AGBL2: variants seen among roughly 807,000 people sequenced by gnomAD.
AGBL2 encodes cytosolic carboxypeptidase 2.
Under a neutral mutation model 103.0 loss-of-function variants are expected in AGBL2, and 87 were observed. That is an observed-to-expected ratio of 0.84 (90% CI 0.71 to 1.01). The LOEUF (loss-of-function observed/expected upper bound fraction) is 1.01. Ranked by LOEUF, AGBL2 falls within the 50% of genes least tolerant of loss-of-function variation. The probability of loss-of-function intolerance (pLI) is 0.00; values close to 1 mark genes in which losing one functional copy is unlikely to be tolerated. For missense variants in AGBL2, 904 were observed against 1,023.5 expected (o/e 0.88, Z 1.59); for synonymous variants, 335 against 356.7 (o/e 0.94, Z 0.69).
chr11:47,686,824 T>C (rs1202223716), intron 10 of AGBL2, among the ~76,000 whole-genome samples: 1 of 151,832 alleles, frequency 6.6e-6, no homozygotes. Flanking sequence ...CTAGGTGTTG[T>C]GGTGCATACC....
chr11:47,693,460 C>G (rs533734656), intron 8 of AGBL2, among the ~76,000 whole-genome samples: 54 of 152,230 alleles, frequency 3.5e-4, no homozygotes, highest in Admixed American at 4.6e-4. Flanking sequence ...GTTATCCCAA[C>G]ACCATTTGTT....
At chr11:47,673,854 C>T (rs1444697334) in intron 14 of AGBL2, among the ~76,000 whole-genome samples, 1 of 146,660 alleles carries the variant, frequency 6.8e-6, no homozygotes, top group Non-Finnish European at 1.5e-5. Context: ...AATCCCAGCA[C>T]TTGAGGAGGC....
chr11:47,697,825 C>T (rs965618566), intron 8 of AGBL2, among the ~76,000 whole-genome samples: 1 of 151,384 alleles, frequency 6.6e-6, no homozygotes, highest in African/African-American at 2.4e-5. Context: ...GGATTACAGG[C>T]GTGAGTCATC....
chr11:47,661,764 T>C (rs2097328622), intron 18 of AGBL2, among the ~76,000 whole-genome samples: 1 of 152,082 alleles, frequency 6.6e-6, no homozygotes, highest in African/African-American at 2.4e-5. Context: ...GCCACCTTTT[T>C]TTTTTTTGGA....
intron 8 of AGBL2, among the ~76,000 whole-genome samples, chr11:47,693,244 C>T (rs1015522037): frequency 1.3e-5 from 2 of 152,066 alleles, no homozygotes; most frequent in African/African-American, 4.8e-5. Context: ...TCATGGCAGC[C>T]TCAAACATCT....
chr11:47,678,166 G>A (rs1249266635), intron 13 of AGBL2, among the ~76,000 whole-genome samples: 3 of 150,952 alleles, frequency 2.0e-5, no homozygotes, highest in African/African-American at 4.9e-5. Flanking sequence ...GTTTCACCAC[G>A]TTGGCCAGGA....
In AGBL2 at chr11:47,690,561, C is replaced by T; in HGVS notation, c.1146G>A (p.Gln382=). The T allele has an allele frequency of 6.2e-7, 1 of 1,614,160 alleles. No individual in the cohort carries two copies. Among genetic ancestry groups the T allele is most frequent in the Non-Finnish European group, 8.5e-7 (1 of 1,180,040 alleles). Residue 382 remains glutamine, a synonymous_variant, in exon 10 of 19, where the codon CAG becomes CAA. Transcript: ENST00000525123. Reference sequence around the variant, plus strand: ...AGCAAGTGTCCTGGTCATATGGAAACTGAATGGTCCACGTGAGACAGTAGA... The same window carrying T: ...AGCAAGTGTCCTGGTCATATGGAAATTGAATGGTCCACGTGAGACAGTAGA... ...QPFYCLTWTI[Q]FPYDQDTCFF... is the part of the protein sequence containing the mutation.
intron 10 of AGBL2, among the ~76,000 whole-genome samples, chr11:47,688,009 T>C (rs2097431063): frequency 6.6e-6 from 1 of 151,986 alleles, no homozygotes; most frequent in Admixed American, 6.6e-5. Context: ...GGTTTCACCA[T>C]GTTGGCTAGG....
Position 47,660,200 on chromosome 11 carries a change from T to C in AGBL2, c.2682A>G (p.Pro894=). The change falls in exon 19 of 19, where the codon CCA becomes CCG. Residue 894 remains proline, a synonymous_variant. Coordinates refer to ENST00000525123, the MANE Select transcript of AGBL2 (RefSeq NM_024783.4). ...ACGGGTATGTGTATATGTGCAAGGATGGGTATGCCGCCATGGCAGCACAGC... is the reference window on the plus strand; with the variant it reads ...ACGGGTATGTGTATATGTGCAAGGACGGGTATGCCGCCATGGCAGCACAGC... The part of the protein sequence containing the change: ...KRGCAAMAAY[P]SLHIYTYP 2 of 1,614,128 alleles carry C rather than the reference T, an allele frequency of 1.2e-6. No homozygotes were observed. Among genetic ancestry groups the C allele is most frequent in the Non-Finnish European group, 1.7e-6 (2 of 1,180,010 alleles).
intron 17 of AGBL2, among the ~76,000 whole-genome samples, chr11:47,666,072 C>T (rs958498521): frequency 5.9e-5 from 9 of 151,776 alleles, no homozygotes; most frequent in Non-Finnish European, 1.0e-4. Flanking sequence ...CCACCATGGC[C>T]GGACAGCCTA....
At chr11:47,683,213 A>G (rs577328886) in intron 11 of AGBL2, among the ~76,000 whole-genome samples, 2 of 152,018 alleles carry the variant, frequency 1.3e-5, no homozygotes, top group East Asian at 3.9e-4. Flanking sequence ...TCTACTAAAA[A>G]TACAAAAAAA....
intron 14 of AGBL2, among the ~76,000 whole-genome samples, chr11:47,675,487 C>A (rs1359449363): frequency 6.9e-6 from 1 of 144,294 alleles, no homozygotes; most frequent in East Asian, 2.1e-4. Flanking sequence ...CGGGTTCAGG[C>A]GATCCTCCCT....
Position 47,668,208 on chromosome 11 carries a change from C to CAA in AGBL2, c.2215-514_2215-513dup, listed in dbSNP as rs34571219. On this transcript the variant is annotated intron_variant, in intron 15 of 18. Coordinates refer to ENST00000525123, the MANE Select transcript of AGBL2 (RefSeq NM_024783.4). ...TAGGCGACAGAGTGAGACTCCATCT[C>CAA]AAAAAAAAAAAAAAAAAAGGCCCAG... Among the ~76,000 whole-genome samples, 194 of 95,010 alleles carry CAA rather than the reference C, an allele frequency of 2.0e-3. 2 individuals carry two copies. The highest frequency in any genetic ancestry group is 5.6e-3 in the East Asian group (19 of 3,392). 62.3% of individuals were successfully genotyped at this position (95,010 alleles called of 152,430 possible).
intron 10 of AGBL2, among the ~76,000 whole-genome samples, chr11:47,687,145 AT>A (rs1413430991): frequency 1.3e-5 from 2 of 150,656 alleles, no homozygotes; most frequent in East Asian, 1.9e-4. Context: ...AAAAAAATAA[AT>A]AAATAAATAA....
rs770539820 is a variant in AGBL2, at chr11:47,668,844, A to G, written c.2211T>C (p.Asp737=). ...GLPVHLANIA[D]ELTQKKKMFK... ...TGGGTATAAGAGTTCAGCTTACCTC[A>G]TCTGCTATGTTTGCTAGGTGAACAG... The change falls in exon 15 of 19, where the codon GAT becomes GAC. Residue 737 remains aspartate (D), a synonymous_variant. Transcript: ENST00000525123. 6.2e-6 allele frequency: 10 copies of G among 1,612,508 alleles called. No individual in the cohort carries two copies. The South Asian group carries it at 8.8e-5, about 14-fold the overall frequency.
intron 13 of AGBL2, among the ~76,000 whole-genome samples, chr11:47,678,343 A>ATTTTATTATTTTTTTTTTTTTTTTTTTT (rs2097385823): frequency 4.3e-5 from 5 of 116,862 alleles, no homozygotes; most frequent in South Asian, 3.6e-4. Context: ...TTATTATTTT[A>ATTTTATTATTTTTTTTTTTTTTTTTTTT]TTTTTTTTGA....
At chr11:47,690,950 G>T in intron 9 of AGBL2, 92 bp from the exon 10 acceptor site, 2 of 1,020,384 alleles carry the variant, frequency 2.0e-6, no homozygotes, top group Non-Finnish European at 1.4e-6. Flanking sequence ...GTAAAAACAG[G>T]TCTTATTACA....
In AGBL2 at chr11:47,704,626, GA is replaced by G; in HGVS notation, c.502del (p.Ser168ProfsTer51). 1 of 1,614,086 alleles carries G rather than the reference GA, an allele frequency of 6.2e-7. No homozygotes were observed. The highest frequency in any genetic ancestry group is 8.5e-7 in the Non-Finnish European group (1 of 1,180,018). ...PRLREPQELFSILSTKRPLQA... is the reference protein window; with the variant it reads ...PRLREPQELFXILSTKRPLQA... Reference sequence around the variant, plus strand: ...CAGTGGCCTCTTGGTAGACAAAATGGAAAAGAGCTCTTGGGGTTCTCGAAGA... The same window carrying G: ...CAGTGGCCTCTTGGTAGACAAAATGGAAAGAGCTCTTGGGGTTCTCGAAGA... On this transcript the variant is annotated frameshift_variant, in exon 7 of 19. Transcript: ENST00000525123. LOFTEE classifies it high-confidence loss of function.
chr11:47,676,920 C>T (rs1034386561), intron 14 of AGBL2, among the ~76,000 whole-genome samples: 4 of 152,100 alleles, frequency 2.6e-5, no homozygotes, highest in Non-Finnish European at 5.9e-5. Context: ...AAGGCAAAGG[C>T]TTTGCAGTTC....
Sources: gnomAD v4.1 joint callset for allele counts (sites outside exome capture counted in the v4.1 genomes callset) on GRCh38, gnomAD v4.1.1 for gene constraint, MANE v1.5 for transcripts, NCBI Gene and HGNC (gene_info 2026-07-23, HGNC 2026-07-21) for gene names.